The following FLII variants were observed in gnomAD, a reference collection of about 807,000 sequenced individuals.
FLII encodes the protein protein flightless-1 homolog.
Under a neutral mutation model 156.2 loss-of-function variants are expected in FLII, and 101 were observed. That is an observed-to-expected ratio of 0.65 (90% CI 0.55 to 0.76). The LOEUF (loss-of-function observed/expected upper bound fraction) is 0.76. FLII is among the 30% of genes least tolerant of loss of function. The pLI is 0.00. For synonymous variants in FLII, 767 were observed against 685.8 expected (o/e 1.12, Z -1.85); for missense variants, 1,675 against 1,682.8 (o/e 1.00, Z 0.08).
intron 28 of FLII, 65 bp downstream of exon 28, chr17:18,245,490 T>G (rs545813047): frequency 1.6e-4 from 256 of 1,612,016 alleles, no homozygotes; most frequent in Middle Eastern, 6.6e-4. Context: ...GGCCCGAGAA[T>G]TCCCATTTGT....
intron 18 of FLII, 24 bp downstream of exon 18, chr17:18,248,526 G>A: frequency 6.3e-7 from 1 of 1,579,552 alleles, no homozygotes; most frequent in South Asian, 1.1e-5. Context: ...GGAGGCCAAG[G>A]TGGGCCTCAG....
chr17:18,248,260 G>A (rs527607937), intron 18 of FLII, among the ~76,000 whole-genome samples: 1 of 152,226 alleles, frequency 6.6e-6, no homozygotes, highest in African/African-American at 2.4e-5. Context: ...TAATTAACGT[G>A]TCCCTTTCCT....
At position 18,253,287 on chromosome 17, in the gene FLII, G is replaced by T. The variant is rs765913731; in HGVS notation, c.1013+14C>A. 4 of 1,613,614 alleles carry T rather than the reference G, an allele frequency of 2.5e-6. No homozygotes were observed. Among genetic ancestry groups the T allele is most frequent in the Non-Finnish European group, 3.4e-6 (4 of 1,179,938 alleles). On this transcript the variant is annotated intron_variant, in intron 9 of 29. Coordinates refer to ENST00000327031, the MANE Select transcript of FLII (RefSeq NM_002018.4). The stretch of plus-strand genomic sequence containing the variant: ...GCTGCAAGTGCCTCTGCTAGCCCCA[G>T]CCCTGCCCAGCACCTGCAGAGACTT...
chr17:18,247,091 C>G, intron 21 of FLII, 39 bp from the exon 22 acceptor site: 1 of 1,596,692 alleles, frequency 6.3e-7, no homozygotes, highest in Non-Finnish European at 8.5e-7. Flanking sequence ...CAGGTCTGAG[C>G]GCGCTCTGCG....
rs2048011545 is a variant in FLII at position 18,245,571 on chromosome 17, A to G, written c.3593T>C (p.Leu1198Pro). The change falls in exon 28 of 30, where the codon CTA (leucine) becomes CCA (proline). Residue 1198 changes from leucine (L) to proline (P), a missense_variant. Leu to Pro is a moderately conservative substitution (Grantham distance 98). Coordinates refer to ENST00000327031, the MANE Select transcript of FLII (RefSeq NM_002018.4). The part of the protein sequence containing the change: ...DDLADDDIML[L>P]DNGQEVYMWV... Reference sequence around the variant, plus strand: ...ACATCACACCTCTTGGCCATTGTCTAGCAACATGATGTCATCATCTGCCAG... The same window carrying G: ...ACATCACACCTCTTGGCCATTGTCTGGCAACATGATGTCATCATCTGCCAG... 1.2e-6 allele frequency: 2 copies of G among 1,613,762 alleles called. No individual in the cohort carries two copies. Among genetic ancestry groups the G allele is most frequent in the Admixed American group, 1.7e-5 (1 of 59,998 alleles).
At chr17:18,245,695 A>T in intron 27 of FLII, 35 bp from the exon 28 acceptor site, 1 of 1,612,348 alleles carries the variant, frequency 6.2e-7, no homozygotes, top group Non-Finnish European at 8.5e-7. Flanking sequence ...GCCAGAGGTC[A>T]TAAGCAGCAG....
In FLII at chr17:18,254,146, G is replaced by C. The variant is rs1017301235; in HGVS notation, c.612C>G (p.His204Gln). ...TCTGGGTGCGCTGGGTGCTCCGCAG[G>C]TGCAGGGTCTGCAGGGCCGTCATCG... ...LPAMTALQTL[H>Q]LRSTQRTQSN... The change falls in exon 7 of 30, where the codon CAC (histidine) becomes CAG (glutamine). Residue 204 changes from histidine (H) to glutamine (Q), a missense_variant. Around this residue, in one of 2 missense-constraint regions of FLII, gnomAD observed 343 missense variants for 413.5 expected, o/e 0.83. Transcript: ENST00000327031. 9.3e-6 allele frequency: 15 copies of C among 1,611,386 alleles called. No individual in the cohort carries two copies. The highest frequency in any genetic ancestry group is 1.3e-5 in the Non-Finnish European group (15 of 1,178,790).
intron 9 of FLII, 37 bp downstream of exon 9, chr17:18,253,264 T>G (rs1212698604): frequency 1.9e-6 from 3 of 1,611,514 alleles, no homozygotes; most frequent in Non-Finnish European, 8.5e-7. Context: ...TTCTCTGTGC[T>G]GCAAGTGCCT....
In FLII at chr17:18,254,099, T is replaced by C; in HGVS notation, c.659A>G (p.Glu220Gly). Residue 220 changes from glutamate (E) to glycine (G), a missense_variant, in exon 7 of 30, where the codon GAG (glutamate) becomes GGG (glycine). Around this residue, in one of 2 missense-constraint regions of FLII, gnomAD observed 343 missense variants for 413.5 expected, o/e 0.83. Transcript: ENST00000327031. ...CTGACCTGCGAGGTTGCTCAGACCCTCCAGGCTGGTGGGCAGGTTGCTCTG... is the reference window on the plus strand; with the variant it reads ...CTGACCTGCGAGGTTGCTCAGACCCCCCAGGCTGGTGGGCAGGTTGCTCTG... ...RTQSNLPTSL[E>G]GLSNLADVDL... 6.2e-7 allele frequency: 1 copy of C among 1,610,626 alleles called. No homozygotes were observed. The highest frequency in any genetic ancestry group is 8.5e-7 in the Non-Finnish European group (1 of 1,178,162).
At chr17:18,252,333 G>A (rs2048296935) in intron 10 of FLII, 139 bp downstream of exon 10, 2 of 912,832 alleles carry the variant, frequency 2.2e-6, no homozygotes, top group Non-Finnish European at 3.5e-6. Context: ...CTGGATGCAG[G>A]GAGGTGGGGC....
intron 12 of FLII, 75 bp downstream of exon 12, chr17:18,251,605 C>T: frequency 1.2e-6 from 2 of 1,602,230 alleles, no homozygotes; most frequent in Non-Finnish European, 1.7e-6. Flanking sequence ...TCCCTCTTGG[C>T]CAGGGTCAAG....
chr17:18,246,823 C>CAGT lies in FLII; in HGVS notation c.2819_2821dup (p.Tyr940dup). 1 of 1,614,104 alleles carries CAGT rather than the reference C, an allele frequency of 6.2e-7. No individual in the cohort carries two copies. Among genetic ancestry groups the CAGT allele is most frequent in the Non-Finnish European group, 8.5e-7 (1 of 1,179,984 alleles). ...CTCCTCCTCGTACTCCACAGGCACCCAGTACCTGCCGGGTTGGAAGGTTGT... is the reference window on the plus strand; with the variant it reads ...CTCCTCCTCGTACTCCACAGGCACCCAGTAGTACCTGCCGGGTTGGAAGGTTGT... On this transcript the variant is annotated inframe_insertion, in exon 23 of 30. Coordinates refer to ENST00000327031, the MANE Select transcript of FLII (RefSeq NM_002018.4).
rs780867449 is a variant in FLII at position 18,247,216 on chromosome 17, G to A, written c.2629C>T (p.Leu877Phe). The A allele has an allele frequency of 1.2e-5, 19 of 1,598,758 alleles. No homozygotes were observed. The highest frequency in any genetic ancestry group is 1.7e-5 in the Admixed American group (1 of 59,242). The part of the protein sequence containing the change: ...AEKKDQMKAD[L>F]TALFLPRQPP... ...TGCCGCGGCAGGAAAAGCGCAGTGA[G>A]GTCAGCCTTCATCTGGTCTTTCTTC... The change falls in exon 21 of 30, where the codon CTC becomes TTC. Residue 877 changes from leucine (L) to phenylalanine (F), a missense_variant. Transcript: ENST00000327031.
Position 18,251,991 on chromosome 17 carries a change from C to T in FLII, c.1246+8G>A. On this transcript the variant is annotated splice_region_variant and intron_variant, in intron 11 of 29. Coordinates refer to ENST00000327031, the MANE Select transcript of FLII (RefSeq NM_002018.4). ...CCCCGTTCCCAGGCCAGACCTTTCCCCACTCACCAGCTGCAGCTGCAGCCA... is the reference window on the plus strand; with the variant it reads ...CCCCGTTCCCAGGCCAGACCTTTCCTCACTCACCAGCTGCAGCTGCAGCCA... The T allele has an allele frequency of 1.2e-6, 2 of 1,612,416 alleles. No individual in the cohort carries two copies. Among genetic ancestry groups the T allele is most frequent in the Non-Finnish European group, 8.5e-7 (1 of 1,179,330 alleles).
Position 18,248,589 on chromosome 17 carries a change from C to T in FLII, c.2151G>A (p.Val717=), listed in dbSNP as rs1283216178. The part of the protein sequence containing the change: ...GGEPSEIKKH[V]PEDFWPPQPK... ...GCTGCGGCGGCCAGAAGTCTTCAGG[C>T]ACGTGCTTCTTGATCTCAGAGGGCT... is the stretch of plus-strand genomic sequence containing the variant. The change falls in exon 18 of 30, where the codon GTG becomes GTA. Residue 717 remains valine, a synonymous_variant. Transcript: ENST00000327031. 1 of 1,613,288 alleles carries T rather than the reference C, an allele frequency of 6.2e-7. No individual in the cohort carries two copies. The highest frequency in any genetic ancestry group is 8.5e-7 in the Non-Finnish European group (1 of 1,179,864).
At chr17:18,249,535 A>G in intron 14 of FLII, 127 bp from the exon 15 acceptor site, 2 of 712,760 alleles carry the variant, frequency 2.8e-6, no homozygotes, top group Non-Finnish European at 4.9e-6. Flanking sequence ...GATGCCTGTA[A>G]TCCCAGCACT....
intron 7 of FLII, 144 bp from the exon 8 acceptor site, chr17:18,253,863 T>A: frequency 2.2e-6 from 2 of 894,580 alleles, no homozygotes; most frequent in Non-Finnish European, 3.3e-6. Flanking sequence ...GTTTCTCCAT[T>A]TGGACAAACT....
rs1196864007 is a variant in FLII at position 18,248,679 on chromosome 17, C to T, written c.2061G>A (p.Lys687=). The T allele has an allele frequency of 1.9e-6, 3 of 1,614,002 alleles. No individual in the cohort carries two copies. Among genetic ancestry groups the T allele is most frequent in the South Asian group, 1.1e-5 (1 of 91,078 alleles). ...EKINKNERKG[K]AEITLLVQGQ... ...CCTGCACCAGCAGTGTGATCTCAGC[C>T]TTCCCTTTCCGCTCATTCTTGTTAA... The change falls in exon 18 of 30, where the codon AAG becomes AAA. Residue 687 remains lysine, a synonymous_variant. Coordinates refer to ENST00000327031, the MANE Select transcript of FLII (RefSeq NM_002018.4).
In FLII at chr17:18,253,452, T is replaced by C. The variant is rs1208839713; in HGVS notation, c.862A>G (p.Ile288Val). The change falls in exon 9 of 30, where the codon ATT (isoleucine) becomes GTT (valine). Residue 288 changes from isoleucine (I) to valine (V), a missense_variant. This residue lies in a region of FLII where 343 missense variants were observed against 413.5 expected (regional missense o/e 0.83). Transcript: ENST00000327031. Reference sequence around the variant, plus strand: ...TTCTTCAGCTTGCTCAGCTTGCAAATGGCTGACTGGAGGGGGAACGGGCAG... The same window carrying C: ...TTCTTCAGCTTGCTCAGCTTGCAAACGGCTGACTGGAGGGGGAACGGGCAG... ...RNQLTSLPSA[I>V]CKLSKLKKLY... is the part of the protein sequence containing the mutation. 6.2e-7 allele frequency: 1 copy of C among 1,613,792 alleles called. No homozygotes were observed. Among genetic ancestry groups the C allele is most frequent in the South Asian group, 1.1e-5 (1 of 91,084 alleles).
Sources: gnomAD v4.1 joint callset for allele counts (sites outside exome capture counted in the v4.1 genomes callset) on GRCh38, gnomAD v4.1.1 for gene constraint, gnomAD v4.1.1 regional missense constraint, MANE v1.5 for transcripts, NCBI Gene and HGNC (gene_info 2026-07-23, HGNC 2026-07-21) for gene names.